Variants in SFXN5 observed in about 807,000 individuals in gnomAD.
SFXN5 encodes sideroflexin-5.
In SFXN5, 43 loss-of-function variants were observed where a neutral mutation model predicts 50.2. That is an observed-to-expected ratio of 0.86 (90% CI 0.67 to 1.11). The LOEUF is 1.11. SFXN5 is among the 50% of genes least tolerant of loss of function. The probability of loss-of-function intolerance (pLI) is 0.00; values close to 1 mark genes in which losing one functional copy is unlikely to be tolerated. For missense variants in SFXN5, 463 were observed against 454.1 expected, an observed-to-expected ratio of 1.02 and a Z score of -0.18; for synonymous variants, 203 against 185.8, an observed-to-expected ratio of 1.09 and a Z score of -0.75.
chr2:73,037,590 A>G (rs545063919), intron 3 of SFXN5, among the ~76,000 whole-genome samples: 3 of 152,366 alleles, frequency 2.0e-5, no homozygotes, highest in Admixed American at 2.0e-4. Flanking sequence ...GTGGAATTTC[A>G]GAAACAAATT....
At chr2:73,022,042 C>T (rs978375599) in intron 5 of SFXN5, among the ~76,000 whole-genome samples, 6 of 152,214 alleles carry the variant, frequency 3.9e-5, no homozygotes, top group Non-Finnish European at 1.5e-5. Flanking sequence ...ACAGTGCATC[C>T]ATTCTGAAGG....
intron 13 of SFXN5, among the ~76,000 whole-genome samples, chr2:72,946,026 G>C (rs148925707): frequency 1.7e-4 from 26 of 151,852 alleles, no homozygotes; most frequent in African/African-American, 5.6e-4. Context: ...CATCAAACCC[G>C]CTGCCTTCCG....
chr2:73,012,026 CAAAT>C (rs1391148691), intron 6 of SFXN5, among the ~76,000 whole-genome samples: 3 of 152,082 alleles, frequency 2.0e-5, no homozygotes, highest in Admixed American at 6.5e-5. Context: ...AGAAAACAAA[CAAAT>C]AAATAAATGA....
rs937525392 is a variant in SFXN5 at position 73,016,265 on chromosome 2, A to G, written c.357+3974T>C. Among the ~76,000 whole-genome samples, 8 of 152,362 alleles carry G rather than the reference A, an allele frequency of 5.3e-5. No homozygotes were observed. The East Asian group carries it at 1.2e-3, about 22-fold the overall frequency. ...CAAGATTACCATTTTGGCATTATTC[A>G]TGATGGCAAAGTATTACAAATAATC... On this transcript the variant is annotated intron_variant, in intron 6 of 13. Transcript: ENST00000272433.
intron 13 of SFXN5, among the ~76,000 whole-genome samples, chr2:72,959,621 T>G (rs988644681): frequency 2.6e-5 from 4 of 152,006 alleles, no homozygotes; most frequent in African/African-American, 9.7e-5. Flanking sequence ...AGCAGCATTT[T>G]CCTCCCACCC....
intron 3 of SFXN5, among the ~76,000 whole-genome samples, chr2:73,027,927 G>A (rs1677796146): frequency 6.6e-6 from 1 of 152,168 alleles, no homozygotes; most frequent in African/African-American, 2.4e-5. Context: ...CTCCCAAAGT[G>A]TCAGGGTTAC....
At chr2:72,947,850 C>T (rs1236858214) in intron 13 of SFXN5, among the ~76,000 whole-genome samples, 1 of 151,636 alleles carries the variant, frequency 6.6e-6, no homozygotes, top group Non-Finnish European at 1.5e-5. Context: ...TCCCCTCCAC[C>T]CTGCCGGCTC....
chr2:73,033,527 C>G (rs1337774689), intron 3 of SFXN5, among the ~76,000 whole-genome samples: 2 of 152,092 alleles, frequency 1.3e-5, no homozygotes, highest in Non-Finnish European at 1.5e-5. Context: ...GGAGGAAACA[C>G]TTGAAGGAGA....
chr2:73,020,323 C>A (rs1676709011), intron 5 of SFXN5, 59 bp from the exon 6 acceptor site: 4 of 1,581,066 alleles, frequency 2.5e-6, no homozygotes, highest in South Asian at 2.3e-5. Context: ...ACCTGAGATA[C>A]CCAGGAGCCT....
At chr2:72,972,002 T>C (rs1670067852) in intron 10 of SFXN5, among the ~76,000 whole-genome samples, 1 of 152,218 alleles carries the variant, frequency 6.6e-6, no homozygotes, top group Admixed American at 6.5e-5. Context: ...GCAGGCAAAG[T>C]GGGTGTCCAT....
intron 12 of SFXN5, among the ~76,000 whole-genome samples, chr2:72,962,100 G>C (rs1573964015): frequency 2.0e-5 from 3 of 152,374 alleles, no homozygotes; most frequent in Admixed American, 2.0e-4. Context: ...GGAGCTTCCT[G>C]TTTTGCTCAA....
At chr2:73,018,124 CT>C (rs1238131492) in intron 6 of SFXN5, among the ~76,000 whole-genome samples, 4 of 152,032 alleles carry the variant, frequency 2.6e-5, no homozygotes, top group African/African-American at 9.7e-5. Flanking sequence ...AAGAGGATCA[CT>C]TGAGCCCAGG....
At chr2:72,964,703 G>A (rs540519231) in intron 12 of SFXN5, among the ~76,000 whole-genome samples, 57 of 152,332 alleles carry the variant, frequency 3.7e-4, no homozygotes, top group African/African-American at 1.3e-3. Context: ...GGGGGAACCC[G>A]GGCTGAACTT....
At chr2:73,068,462 C>T (rs1243775652) in intron 1 of SFXN5, among the ~76,000 whole-genome samples, 1 of 152,152 alleles carries the variant, frequency 6.6e-6, no homozygotes, top group Non-Finnish European at 1.5e-5. Flanking sequence ...TGGGATGTCT[C>T]AGCACTGATG....
At chr2:72,994,619 A>T (rs973472992) in intron 9 of SFXN5, among the ~76,000 whole-genome samples, 5 of 152,000 alleles carry the variant, frequency 3.3e-5, no homozygotes, top group African/African-American at 1.2e-4. Context: ...TTCATCCCTG[A>T]GTCTTCCTCT....
chr2:72,990,923 G>A (rs1252930193), intron 9 of SFXN5, among the ~76,000 whole-genome samples: 1 of 152,198 alleles, frequency 6.6e-6, no homozygotes, highest in East Asian at 1.9e-4. Context: ...GCTCCTGCAG[G>A]GAAGATAGGG....
intron 5 of SFXN5, chr2:73,020,657 T>C (rs1676761693): frequency 5.4e-6 from 1 of 185,196 alleles, no homozygotes; most frequent in Admixed American, 6.1e-5. Context: ...GACCCCAGAA[T>C]GTCTTCCTTC....
intron 3 of SFXN5, among the ~76,000 whole-genome samples, 157 bp downstream of exon 3, chr2:73,040,697 C>G (rs538482513): frequency 2.6e-5 from 4 of 152,344 alleles, no homozygotes; most frequent in South Asian, 4.1e-4. Flanking sequence ...CAGGAGAGAT[C>G]TGAGCATCTC....
rs761993956 is a variant in SFXN5, at chr2:72,988,240, G to C, written c.625+18C>G. On this transcript the variant is annotated intron_variant, in intron 10 of 13. Coordinates refer to ENST00000272433, the MANE Select transcript of SFXN5 (RefSeq NM_144579.3). ...ACACCCACCCACAGCACACATCTAT[G>C]TGGTGTGCAGGTCTTACCTACAGCA... The C allele has an allele frequency of 1.9e-6, 3 of 1,611,700 alleles. No homozygotes were observed. The highest frequency in any genetic ancestry group is 2.5e-6 in the Non-Finnish European group (3 of 1,178,694).
Sources: allele counts gnomAD v4.1 joint callset (sites outside exome capture counted in the v4.1 genomes callset), GRCh38; gene constraint gnomAD v4.1.1; transcripts MANE v1.5; gene names NCBI Gene and HGNC (gene_info 2026-07-23, HGNC 2026-07-21).